COL4A6: variants seen among roughly 807,000 people sequenced by gnomAD.
COL4A6 encodes the protein collagen type IV alpha 6 chain.
COL4A6 carries 59 observed loss-of-function variants against 126.7 expected under a neutral mutation model. That is an observed-to-expected ratio of 0.47 (90% CI 0.38 to 0.58). The LOEUF (loss-of-function observed/expected upper bound fraction) is 0.58, where lower values mean the gene tolerates loss of function less well. COL4A6 is among the 20% of genes least tolerant of loss of function. COL4A6 has a pLI of 0.00. For missense variants in COL4A6, 1,285 were observed against 1,337.3 expected, an observed-to-expected ratio of 0.96 and a Z score of 0.61; for synonymous variants, 547 against 496.6, an observed-to-expected ratio of 1.10 and a Z score of -1.35.
intron 2 of COL4A6, among the ~76,000 whole-genome samples, chrX:108,372,140 G>A (rs370110035): frequency 9.0e-6 from 1 of 111,089 alleles, no homozygotes; most frequent in African/African-American, 3.3e-5. Context: ...TCTCACTGGG[G>A]AAGGCCGGGC....
chrX:108,438,487 T>TC, upstream of COL4A6: 4 of 982,871 alleles, frequency 4.1e-6, no homozygotes, highest in Non-Finnish European at 5.1e-6. Flanking sequence ...CTGTCAATCA[T>TC]CCCCCCTACC....
intron 17 of COL4A6, among the ~76,000 whole-genome samples, 155 bp downstream of exon 17, chrX:108,193,473 T>C (rs1275461657): frequency 8.9e-6 from 1 of 111,801 alleles, no homozygotes; most frequent in African/African-American, 3.3e-5. Flanking sequence ...TGGAGATAGC[T>C]TTATTCCCCA....
chrX:108,432,704 C>T (rs1221271623), intron 2 of COL4A6, among the ~76,000 whole-genome samples: 4 of 110,859 alleles, frequency 3.6e-5, no homozygotes, highest in Non-Finnish European at 7.6e-5. Flanking sequence ...GGTGTGATGG[C>T]GGGCACCTGT....
At chrX:108,172,387 A>G in intron 32 of COL4A6, 82 bp downstream of exon 32, 1 of 551,292 alleles carries the variant, frequency 1.8e-6, no homozygotes. Context: ...AAAAAAAAAA[A>G]AAAGAGAGAG....
intron 3 of COL4A6, among the ~76,000 whole-genome samples, chrX:108,223,783 A>T (rs1204230980): frequency 9.0e-6 from 1 of 111,514 alleles, no homozygotes; most frequent in East Asian, 2.8e-4. Context: ...TGAGGCTGGG[A>T]CAAGGGAGGC....
At chrX:108,358,116 C>T (rs1165637724) in intron 2 of COL4A6, among the ~76,000 whole-genome samples, 1 of 111,410 alleles carries the variant, frequency 9.0e-6, no homozygotes, top group Non-Finnish European at 1.9e-5. Flanking sequence ...CACAGCACCC[C>T]TGGTGCTGCA....
intron 3 of COL4A6, among the ~76,000 whole-genome samples, chrX:108,258,536 G>A (rs1241465127): frequency 6.3e-5 from 7 of 111,609 alleles, no homozygotes; most frequent in Non-Finnish European, 1.1e-4. Flanking sequence ...AAACAAGATT[G>A]GAATCTTTAA....
Position 108,433,845 on chromosome X carries a change from C to A in COL4A6, c.63+4097G>T, listed in dbSNP as rs190302821. Among the ~76,000 whole-genome samples the A allele has an allele frequency of 2.9e-4, 33 of 111,968 alleles. No homozygotes were observed. In the Admixed American group the frequency reaches 3.1e-3, roughly 11 times the overall value. On this transcript the variant is annotated intron_variant, in intron 2 of 44. Transcript: ENST00000334504. Reference sequence around the variant, plus strand: ...AGCCATACTTTTAAGATTATTCTAACAGGGAGCTGTGGTGTGTGCCTATAG... The same window carrying A: ...AGCCATACTTTTAAGATTATTCTAAAAGGGAGCTGTGGTGTGTGCCTATAG...
At chrX:108,414,992 T>C (rs979349788) in intron 2 of COL4A6, among the ~76,000 whole-genome samples, 4 of 111,241 alleles carry the variant, frequency 3.6e-5, no homozygotes, top group African/African-American at 6.5e-5. Flanking sequence ...TTTGTGGAGG[T>C]AGTGCAATTT....
chrX:108,281,169 AAAGGGTAT>A (rs1374278030), intron 3 of COL4A6, among the ~76,000 whole-genome samples: 1 of 97,667 alleles, frequency 1.0e-5, no homozygotes, highest in Non-Finnish European at 2.1e-5. Context: ...AGAAGGAAAT[AAAGGGTAT>A]TCAGTTAGGA....
At chrX:108,183,365 G>A (rs1449148363) in intron 23 of COL4A6, among the ~76,000 whole-genome samples, 1 of 112,012 alleles carries the variant, frequency 8.9e-6, no homozygotes, top group Non-Finnish European at 1.9e-5. Context: ...GACATGTGTG[G>A]ATCCTTTCAG....
chrX:108,283,596 G>C (rs1164600804), intron 3 of COL4A6, among the ~76,000 whole-genome samples: 1 of 108,785 alleles, frequency 9.2e-6, no homozygotes, highest in African/African-American at 3.4e-5. Flanking sequence ...TTTGGGGGGG[G>C]GTTGGCGGCG....
intron 2 of COL4A6, among the ~76,000 whole-genome samples, chrX:108,329,220 T>C (rs2039234844): frequency 9.0e-6 from 1 of 111,562 alleles, no homozygotes; most frequent in Admixed American, 9.5e-5. Context: ...TAGAGGAATT[T>C]GAATGTCTTA....
At chrX:108,349,248 A>G (rs987924503) in intron 2 of COL4A6, among the ~76,000 whole-genome samples, 10 of 111,979 alleles carry the variant, frequency 8.9e-5, no homozygotes, top group African/African-American at 3.2e-4. Flanking sequence ...AGTCAACCCA[A>G]GTTTAGCTCT....
intron 3 of COL4A6, among the ~76,000 whole-genome samples, chrX:108,281,683 G>A (rs1234897624): frequency 7.2e-5 from 8 of 110,628 alleles, no homozygotes; most frequent in South Asian, 7.8e-4. Flanking sequence ...AGCCCACATC[G>A]CCAAGTCAAT....
intron 2 of COL4A6, among the ~76,000 whole-genome samples, chrX:108,416,204 T>A (rs972399174): frequency 9.8e-5 from 11 of 112,104 alleles, no homozygotes; most frequent in African/African-American, 3.6e-4. Context: ...TTGCTAGCCT[T>A]TGACCCTCCA....
intron 2 of COL4A6, among the ~76,000 whole-genome samples, chrX:108,336,939 C>G (rs915086199): frequency 2.7e-5 from 3 of 110,768 alleles, no homozygotes; most frequent in Non-Finnish European, 5.7e-5. Context: ...GACCTGGAGT[C>G]TCCTCTCCCT....
At chrX:108,162,840 C>A (rs2034003842) in intron 41 of COL4A6, 52 bp downstream of exon 41, 3 of 1,101,442 alleles carry the variant, frequency 2.7e-6, no homozygotes, top group Non-Finnish European at 3.6e-6. Context: ...AGCCTCTCAG[C>A]CAAACTGTCT....
intron 2 of COL4A6, among the ~76,000 whole-genome samples, chrX:108,388,480 T>C (rs2040753485): frequency 1.8e-5 from 2 of 112,261 alleles, no homozygotes; most frequent in East Asian, 5.6e-4. Context: ...CCATTTCTTC[T>C]AGATTTTCTA....
Sources: gnomAD v4.1 joint callset for allele counts (sites outside exome capture counted in the v4.1 genomes callset) on GRCh38, gnomAD v4.1.1 for gene constraint, MANE v1.5 for transcripts, NCBI Gene and HGNC (gene_info 2026-07-23, HGNC 2026-07-21) for gene names.